HAT1: variants seen among roughly 807,000 people sequenced by gnomAD.
HAT1 encodes histone acetyltransferase 1.
Under a neutral mutation model 56.6 loss-of-function variants are expected in HAT1, and 20 were observed. The observed-to-expected ratio is 0.35, with a 90% CI of 0.25 to 0.51. HAT1 has a LOEUF of 0.51. Among genes scored for constraint, HAT1 ranks in the 20% least tolerant of loss-of-function variants. The pLI is 0.95. For synonymous variants in HAT1, 146 were observed against 165.5 expected, an observed-to-expected ratio of 0.88 and a Z score of 0.91; for missense variants, 408 against 504.3, an observed-to-expected ratio of 0.81 and a Z score of 1.83.
chr2:171,929,826 A>G (rs891868169), intron 2 of HAT1, among the ~76,000 whole-genome samples: 6 of 152,172 alleles, frequency 3.9e-5, no homozygotes, highest in Non-Finnish European at 7.4e-5. Flanking sequence ...TACTGTCTGG[A>G]TTAGTGTAAC....
chr2:171,976,219 G>T lies in HAT1; in HGVS notation c.886G>T (p.Asp296Tyr). 6.3e-7 allele frequency: 1 copy of T among 1,595,154 alleles called. No homozygotes were observed. The highest frequency in any genetic ancestry group is 8.5e-7 in the Non-Finnish European group (1 of 1,169,684). The change falls in exon 9 of 11, where the codon GAT becomes TAT. Residue 296 changes from aspartate to tyrosine, a missense_variant. Asp to Tyr is a radical substitution (Grantham distance 160). Coordinates refer to ENST00000264108, the MANE Select transcript of HAT1 (RefSeq NM_003642.4). ...CTTTGTGCTTGTGAAGCTTTGTCAA[G>T]ATTTGCCCTGTTTTTCCCGGGAAAA... The part of the protein sequence containing the change: ...RDFVLVKLCQ[D>Y]LPCFSREKLM...
intron 10 of HAT1, 42 bp from the exon 11 acceptor site, chr2:171,983,143 T>C: frequency 8.0e-7 from 1 of 1,248,094 alleles, no homozygotes; most frequent in Non-Finnish European, 1.1e-6. Context: ...TAAGGAAATA[T>C]ATTTACTTTC....
intron 4 of HAT1, 86 bp downstream of exon 4, chr2:171,953,087 G>A (rs1176339119): frequency 3.8e-6 from 3 of 796,426 alleles, no homozygotes; most frequent in Admixed American, 2.9e-5. Flanking sequence ...GCTCACACCT[G>A]TAACCCCAGC....
chr2:171,951,965 G>A (rs192135124), intron 3 of HAT1, among the ~76,000 whole-genome samples: 1 of 151,980 alleles, frequency 6.6e-6, no homozygotes, highest in East Asian at 1.9e-4. Flanking sequence ...CCGTATTTTC[G>A]TAGCCTAGAC....
chr2:171,965,755 T>G, intron 5 of HAT1, 32 bp from the exon 6 acceptor site: 1 of 1,607,374 alleles, frequency 6.2e-7, no homozygotes, highest in Non-Finnish European at 8.5e-7. Flanking sequence ...TTGTGATGAG[T>G]TTCACCTGAC....
intron 9 of HAT1, among the ~76,000 whole-genome samples, chr2:171,976,914 G>A (rs1386103928): frequency 7.2e-5 from 11 of 152,168 alleles, no homozygotes; most frequent in South Asian, 2.1e-4. Context: ...GGTGGCTCAC[G>A]CCTGTAATCC....
chr2:171,923,604 C>T (rs1686501723), intron 1 of HAT1: 1 of 152,188 alleles, frequency 6.6e-6, no homozygotes. Flanking sequence ...CTTTACAGGG[C>T]ATTCCTCATA....
intron 1 of HAT1, chr2:171,924,202 T>A (rs1686518165): frequency 6.6e-6 from 1 of 152,098 alleles, no homozygotes; most frequent in Non-Finnish European, 1.5e-5. Context: ...CTGTCTGAAT[T>A]TTTACTGATT....
chr2:171,955,190 G>A (rs1687408520), intron 4 of HAT1, among the ~76,000 whole-genome samples: 1 of 152,220 alleles, frequency 6.6e-6, no homozygotes, highest in African/African-American at 2.4e-5. Flanking sequence ...GTGGGATGCT[G>A]CTATAACCAA....
chr2:171,970,492 G>GTTTGT (rs1558977951), intron 8 of HAT1, among the ~76,000 whole-genome samples: 1 of 106,548 alleles, frequency 9.4e-6, no homozygotes, highest in African/African-American at 4.3e-5. Flanking sequence ...TAGCAATGCA[G>GTTTGT]TTTCTTTTTT....
intron 2 of HAT1, among the ~76,000 whole-genome samples, chr2:171,938,065 T>TCTCTCTCTCTCC (rs1686921575): frequency 1.5e-5 from 2 of 134,958 alleles, no homozygotes; most frequent in Non-Finnish European, 3.4e-5. Flanking sequence ...TCTCTCTCTC[T>TCTCTCTCTCTCC]CTCTCTCTCT....
At chr2:171,939,796 CT>C (rs752238366) in intron 2 of HAT1, among the ~76,000 whole-genome samples, 623 of 141,274 alleles carry the variant, frequency 4.4e-3, no homozygotes, top group Middle Eastern at 0.011. Flanking sequence ...TCCTTTTTTT[CT>C]TTTTTTTTTT....
intron 3 of HAT1, among the ~76,000 whole-genome samples, chr2:171,952,222 C>T (rs1215442852): frequency 6.6e-6 from 1 of 152,200 alleles, no homozygotes; most frequent in Non-Finnish European, 1.5e-5. Context: ...TAGTCTTAGG[C>T]AGTCACTAAT....
intron 2 of HAT1, among the ~76,000 whole-genome samples, chr2:171,942,744 G>T (rs1328791734): frequency 6.6e-6 from 1 of 151,970 alleles, no homozygotes; most frequent in Non-Finnish European, 1.5e-5. Flanking sequence ...CCTTAGATCC[G>T]CCAAATACCA....
intron 4 of HAT1, among the ~76,000 whole-genome samples, chr2:171,962,520 A>C (rs1357359987): frequency 1.3e-5 from 2 of 151,994 alleles, no homozygotes; most frequent in African/African-American, 4.8e-5. Context: ...TCAGCCTCCC[A>C]AGTAGCTGGG....
At chr2:171,930,878 G>A (rs1686726767) in intron 2 of HAT1, among the ~76,000 whole-genome samples, 1 of 151,766 alleles carries the variant, frequency 6.6e-6, no homozygotes, top group African/African-American at 2.4e-5. Context: ...GCTTCCCAAA[G>A]TGCTAGGGTT....
chr2:171,940,477 C>T (rs760346030), intron 2 of HAT1, among the ~76,000 whole-genome samples: 19 of 152,286 alleles, frequency 1.2e-4, no homozygotes, highest in Admixed American at 2.0e-4. Context: ...TAAAAGTTCA[C>T]GACAAATGTC....
intron 2 of HAT1, among the ~76,000 whole-genome samples, chr2:171,939,206 G>T (rs1686957166): frequency 6.6e-6 from 1 of 152,178 alleles, no homozygotes; most frequent in African/African-American, 2.4e-5. Flanking sequence ...AAACTCTTTT[G>T]AAAGCTGAGA....
chr2:171,923,214 A>G (rs771643010), intron 1 of HAT1: 1 of 152,202 alleles, frequency 6.6e-6, no homozygotes, highest in African/African-American at 2.4e-5. Context: ...TTGTACGTGT[A>G]TTAAGGCTGT....
Sources: gnomAD v4.1 joint callset for allele counts (sites outside exome capture counted in the v4.1 genomes callset) on GRCh38, gnomAD v4.1.1 for gene constraint, MANE v1.5 for transcripts, NCBI Gene and HGNC (gene_info 2026-07-23, HGNC 2026-07-21) for gene names.